Variants in MRPS27 observed in about 807,000 individuals in gnomAD.
MRPS27 encodes the protein mitochondrial ribosomal protein S27.
A neutral mutation model predicts 48.9 loss-of-function variants in MRPS27; 43 were observed. The ratio of observed to expected loss-of-function variants is 0.88; its 90% CI spans 0.69 to 1.13. The LOEUF (loss-of-function observed/expected upper bound fraction) is 1.13. Ranked by LOEUF, MRPS27 falls within the 50% of genes most tolerant of loss-of-function variation. The pLI is 0.00. For missense variants in MRPS27, 467 were observed against 476.3 expected, an observed-to-expected ratio of 0.98 and a Z score of 0.18; for synonymous variants, 188 against 171.9, an observed-to-expected ratio of 1.09 and a Z score of -0.73.
intron 1 of MRPS27, among the ~76,000 whole-genome samples, chr5:72,316,088 A>T (rs1481956202): frequency 6.6e-6 from 1 of 152,236 alleles, no homozygotes; most frequent in Non-Finnish European, 1.5e-5. Flanking sequence ...TCCTGAAAAC[A>T]TGTTAAGTAA....
At chr5:72,303,770 T>C (rs1750183386) in intron 2 of MRPS27, among the ~76,000 whole-genome samples, 2 of 148,918 alleles carry the variant, frequency 1.3e-5, no homozygotes, top group Admixed American at 1.4e-4. Flanking sequence ...GGGCAAAATA[T>C]GGGTATGCTG....
intron 4 of MRPS27, among the ~76,000 whole-genome samples, chr5:72,256,186 G>A (rs1490203355): frequency 1.3e-5 from 2 of 152,114 alleles, no homozygotes; most frequent in Non-Finnish European, 2.9e-5. Context: ...AATATCTAAG[G>A]TTACCACAAA....
intron 4 of MRPS27, among the ~76,000 whole-genome samples, chr5:72,270,608 T>A (rs544557095): frequency 1.3e-5 from 2 of 152,254 alleles, no homozygotes; most frequent in South Asian, 4.1e-4. Flanking sequence ...AAGAAACTCT[T>A]AAACAAACTT....
chr5:72,235,499 C>T (rs73125472), intron 5 of MRPS27, among the ~76,000 whole-genome samples: 1,658 of 152,150 alleles, frequency 0.011, 29 homozygotes, highest in African/African-American at 0.038. Context: ...TAAACTAGGA[C>T]CTTTGGGTGA....
chr5:72,257,682 G>A lies in MRPS27; in HGVS notation c.282-19554C>T, dbSNP rs115256885. 3.7e-3 allele frequency among the ~76,000 whole-genome samples: 569 copies of A among 152,306 alleles called. 1 individual carries two copies. Among genetic ancestry groups the A allele is most frequent in the African/African-American group, 0.013 (552 of 41,554 alleles). ...TATTTATTTAGGGTGGATTGCAGAC[G>A]TGGTGGTAAAAAGAGCAGGGATTTT... On this transcript the variant is annotated intron_variant, in intron 4 of 10. Transcript: ENST00000261413.
intron 4 of MRPS27, among the ~76,000 whole-genome samples, chr5:72,265,955 T>C (rs1330052234): frequency 1.3e-5 from 2 of 152,202 alleles, no homozygotes; most frequent in Non-Finnish European, 2.9e-5. Context: ...TGATTTGAAA[T>C]TCGTTAATGG....
At chr5:72,310,675 A>T (rs1750421213) in intron 2 of MRPS27, among the ~76,000 whole-genome samples, 1 of 152,270 alleles carries the variant, frequency 6.6e-6, no homozygotes, top group Non-Finnish European at 1.5e-5. Flanking sequence ...CAACCATTAT[A>T]GTAAAGATTG....
Position 72,221,030 on chromosome 5 carries a change from T to A in MRPS27, c.1124A>T (p.Tyr375Phe), listed in dbSNP as rs1180222284. 4.3e-6 allele frequency: 7 copies of A among 1,614,230 alleles called. No individual in the cohort carries two copies. The highest frequency in any genetic ancestry group is 1.3e-5 in the African/African-American group (1 of 75,064). The change falls in exon 11 of 11, where the codon TAT becomes TTT. Residue 375 changes from tyrosine to phenylalanine, a missense_variant. Physicochemically the swap from Tyr to Phe is conservative, Grantham distance 22 (BLOSUM62 3). Transcript: ENST00000261413. ...STCEAEDIAT[Y>F]EQNLQQWHLD... ...ATGCCACTGCTGCAGATTCTGCTCA[T>A]AGGTGGCGATGTCCTCTGCTTCACA...
intron 1 of MRPS27, among the ~76,000 whole-genome samples, chr5:72,315,559 A>G (rs1750545232): frequency 6.7e-6 from 1 of 148,608 alleles, no homozygotes; most frequent in African/African-American, 2.4e-5. Context: ...TCTGTTTCGA[A>G]AAAAAAAAAA....
chr5:72,222,124 T>C (rs1453530238), intron 10 of MRPS27, among the ~76,000 whole-genome samples: 2 of 152,116 alleles, frequency 1.3e-5, no homozygotes, highest in Non-Finnish European at 1.5e-5. Flanking sequence ...GAGTCAATCA[T>C]ATAAAAATGG....
At chr5:72,318,485 C>T (rs1750622311) in intron 1 of MRPS27, among the ~76,000 whole-genome samples, 1 of 152,164 alleles carries the variant, frequency 6.6e-6, no homozygotes, top group Non-Finnish European at 1.5e-5. Flanking sequence ...CTCAAGAGTT[C>T]TGAACTGGGA....
At chr5:72,283,994 T>G (rs1335334055) in intron 4 of MRPS27, among the ~76,000 whole-genome samples, 1 of 152,178 alleles carries the variant, frequency 6.6e-6, no homozygotes, top group African/African-American at 2.4e-5. Context: ...GCATAGACAA[T>G]TTCCTTATAA....
chr5:72,315,698 A>T (rs1386953712), intron 1 of MRPS27, among the ~76,000 whole-genome samples: 1 of 152,234 alleles, frequency 6.6e-6, no homozygotes, highest in Non-Finnish European at 1.5e-5. Context: ...GATACTCACT[A>T]CAATGACCAC....
intron 10 of MRPS27, among the ~76,000 whole-genome samples, chr5:72,221,999 T>A (rs1296749917): frequency 6.6e-6 from 1 of 151,936 alleles, no homozygotes; most frequent in African/African-American, 2.4e-5. Flanking sequence ...ATACCACACA[T>A]CCCCATGTTC....
intron 4 of MRPS27, among the ~76,000 whole-genome samples, chr5:72,256,355 GAA>G (rs1748807002): frequency 6.6e-6 from 1 of 152,102 alleles, no homozygotes; most frequent in South Asian, 2.1e-4. Context: ...ATTAAAAAAA[GAA>G]TGCGTAAAAT....
At chr5:72,290,434 G>C (rs987792489) in intron 4 of MRPS27, among the ~76,000 whole-genome samples, 1 of 152,116 alleles carries the variant, frequency 6.6e-6, no homozygotes, top group Admixed American at 6.6e-5. Flanking sequence ...AGCCCCATCT[G>C]CGATCCTTAA....
chr5:72,247,518 T>G (rs1433040413), intron 4 of MRPS27, among the ~76,000 whole-genome samples: 2 of 152,134 alleles, frequency 1.3e-5, no homozygotes, highest in African/African-American at 4.8e-5. Flanking sequence ...GCAACAGAGA[T>G]TATTATTATG....
chr5:72,238,083 G>A lies in MRPS27; in HGVS notation c.327C>T (p.Ile109=). The change falls in exon 5 of 11, where the codon ATC becomes ATT. Residue 109 remains isoleucine (I), a synonymous_variant. Coordinates refer to ENST00000261413, the MANE Select transcript of MRPS27 (RefSeq NM_015084.3). The part of the protein sequence containing the change: ...PNCWYLRNWT[I]HTWIRQCLKY... ...TTAGACACTGCCTAATCCAGGTGTG[G>A]ATAGTCCAGTTTCTCAGGTACCAGC... is the stretch of plus-strand genomic sequence containing the variant. 1.2e-6 allele frequency: 2 copies of A among 1,613,574 alleles called. No homozygotes were observed. The highest frequency in any genetic ancestry group is 1.7e-6 in the Non-Finnish European group (2 of 1,179,688).
At chr5:72,235,513 C>T (rs954531557) in intron 5 of MRPS27, among the ~76,000 whole-genome samples, 4 of 152,084 alleles carry the variant, frequency 2.6e-5, no homozygotes, top group African/African-American at 7.2e-5. Context: ...TGGGTGACAA[C>T]GGTTTGTCAA....
Sources: allele counts gnomAD v4.1 joint callset (sites outside exome capture counted in the v4.1 genomes callset), GRCh38; gene constraint gnomAD v4.1.1; transcripts MANE v1.5; gene names NCBI Gene and HGNC (gene_info 2026-07-23, HGNC 2026-07-21).